The following RARG variants were observed in gnomAD, a reference collection of about 807,000 sequenced individuals.
The protein encoded by RARG is retinoic acid receptor gamma, also known as RAR-gamma.
In RARG, 17 loss-of-function variants were observed where a neutral mutation model predicts 43.7. The ratio of observed to expected loss-of-function variants is 0.39; its 90% CI spans 0.27 to 0.58. The LOEUF (loss-of-function observed/expected upper bound fraction) is 0.58, where lower values mean the gene tolerates loss of function less well. Among genes scored for constraint, RARG ranks in the 20% least tolerant of loss-of-function variants. RARG has a pLI of 0.57. For missense variants in RARG, 346 were observed against 598.7 expected (o/e 0.58, Z 4.40); for synonymous variants, 238 against 236.4 (o/e 1.01, Z -0.06).
chr12:53,228,518 C>T (rs1943161405), intron 2 of RARG, among the ~76,000 whole-genome samples: 1 of 152,122 alleles, frequency 6.6e-6, no homozygotes, highest in African/African-American at 2.4e-5. Context: ...TCAACACTCC[C>T]TCTTCCAGTT....
intron 3 of RARG, among the ~76,000 whole-genome samples, chr12:53,221,467 G>A (rs1157873566): frequency 1.3e-5 from 2 of 152,168 alleles, no homozygotes; most frequent in African/African-American, 4.8e-5. Context: ...GGGCGCTTCT[G>A]GTCACTGACT....
rs1942727509 is a variant in RARG, at chr12:53,215,202, G to A, written c.475+91C>T. Reference sequence around the variant, plus strand: ...CCCCAGGGCAGGCCAAGTCTCAGAGGTCAGGGAAGTGGGAGTGGCCAGAGG... The same window carrying A: ...CCCCAGGGCAGGCCAAGTCTCAGAGATCAGGGAAGTGGGAGTGGCCAGAGG... On this transcript the variant is annotated intron_variant, in intron 5 of 9. Coordinates refer to ENST00000425354, the MANE Select transcript of RARG (RefSeq NM_000966.6). The surrounding 1 kb of genome is among the most constrained non-coding windows in gnomAD (Gnocchi z 6.4). 7.2e-6 allele frequency: 11 copies of A among 1,520,940 alleles called. No individual in the cohort carries two copies. Among genetic ancestry groups the A allele is most frequent in the South Asian group, 1.2e-5 (1 of 80,390 alleles). The allele number at this position is 1,520,940 out of a possible 1,614,324, so 94.2% of individuals were successfully genotyped here.
intron 5 of RARG, 57 bp from the exon 6 acceptor site, chr12:53,214,663 T>A: frequency 1.3e-6 from 2 of 1,499,340 alleles, no homozygotes; most frequent in Non-Finnish European, 1.8e-6. Flanking sequence ...CCTTTGGGTG[T>A]CCTCTCTCAC....
intron 3 of RARG, among the ~76,000 whole-genome samples, chr12:53,226,397 A>C (rs563911648): frequency 2.0e-5 from 3 of 151,956 alleles, no homozygotes; most frequent in Non-Finnish European, 4.4e-5. Context: ...GCACGATCTC[A>C]GCTCACCGCA....
Position 53,211,694 on chromosome 12 carries a change from GC to G in RARG, c.1346del (p.Gly449AlafsTer2). 2.0e-6 allele frequency: 3 copies of G among 1,537,334 alleles called. No homozygotes were observed. The highest frequency in any genetic ancestry group is 2.1e-5 in the Admixed American group (1 of 47,854). On this transcript the variant is annotated frameshift_variant, in exon 10 of 10. Transcript: ENST00000425354. LOFTEE classifies it high-confidence loss of function. This position sits in a 1 kb window ranked among gnomAD's most constrained non-coding sequence, Gnocchi z 4.6. ...DEVPGGQGKG[G>X]LKSPA ...GCCCTGGTCAGGCTGGGGACTTCAG[GC>G]CCCCTTTGCCCTGGCCCCCAGGAAC...
intron 2 of RARG, among the ~76,000 whole-genome samples, chr12:53,229,041 A>G (rs1414770230): frequency 6.6e-6 from 1 of 152,102 alleles, no homozygotes; most frequent in African/African-American, 2.4e-5. Context: ...AGTGCTAAGT[A>G]GGTGGTTCCT....
chr12:53,226,248 C>T (rs1056987860), intron 3 of RARG, among the ~76,000 whole-genome samples: 1 of 152,172 alleles, frequency 6.6e-6, no homozygotes, highest in African/African-American at 2.4e-5. Context: ...CTCCCTCAGC[C>T]TCCTGAGTAG....
intron 3 of RARG, among the ~76,000 whole-genome samples, chr12:53,216,841 TGCGCGCGC>T (rs61199415): frequency 4.5e-4 from 58 of 129,436 alleles, no homozygotes; most frequent in Middle Eastern, 8.8e-3. Flanking sequence ...TGTGTGTGTG[TGCGCGCGC>T]GCGCGCGCGC....
intron 3 of RARG, among the ~76,000 whole-genome samples, chr12:53,218,845 T>G (rs1358243778): frequency 6.7e-5 from 1 of 14,884 alleles, no homozygotes; most frequent in Non-Finnish European, 1.3e-4. Flanking sequence ...CCCAAGCCCC[T>G]CATCCCCGGG....
At chr12:53,221,729 C>T (rs11170485) in intron 3 of RARG, among the ~76,000 whole-genome samples, 10 of 151,130 alleles carry the variant, frequency 6.6e-5, no homozygotes, top group Non-Finnish European at 1.0e-4. Context: ...CCCGGAAATC[C>T]CCCCCTCCCC....
rs1942591061 is a variant in RARG, at chr12:53,211,658, G to A, written c.*18C>T. 1 of 1,448,806 alleles carries A rather than the reference G, an allele frequency of 6.9e-7. No homozygotes were observed. Among genetic ancestry groups the A allele is most frequent in the African/African-American group, 1.5e-5 (1 of 67,946 alleles). 89.7% of individuals were successfully genotyped at this position (1,448,806 alleles called of 1,614,324 possible). The stretch of plus-strand genomic sequence containing the variant: ...CCTGAAGCCCCAACCCCCACAGCGG[G>A]GAGGTCAGGGGCCCTGGTCAGGCTG... On this transcript the variant is annotated 3_prime_UTR_variant, in exon 10 of 10. Coordinates refer to ENST00000425354, the MANE Select transcript of RARG (RefSeq NM_000966.6). This position sits in a 1 kb window ranked among gnomAD's most constrained non-coding sequence, Gnocchi z 4.6.
chr12:53,219,381 C>G (rs1942881671), intron 3 of RARG, among the ~76,000 whole-genome samples: 1 of 152,226 alleles, frequency 6.6e-6, no homozygotes, highest in Non-Finnish European at 1.5e-5. Flanking sequence ...GAACACAGCA[C>G]TTTCCAAAAC....
chr12:53,223,516 T>TCCCCCCCCCCCCCCCCCCCCCCCC (rs1220583899), intron 3 of RARG, among the ~76,000 whole-genome samples: 1 of 120,612 alleles, frequency 8.3e-6, no homozygotes, highest in Admixed American at 8.6e-5. Flanking sequence ...CTTGCCCGGC[T>TCCCCCCCCCCCCCCCCCCCCCCCC]CCCCCCGCCC....
chr12:53,224,237 ACC>A (rs955156013), intron 3 of RARG, among the ~76,000 whole-genome samples: 1 of 151,132 alleles, frequency 6.6e-6, no homozygotes, highest in African/African-American at 2.4e-5. Context: ...TGCCTGTCTC[ACC>A]CCCCTTCAGA....
chr12:53,217,544 G>A (rs765457229), intron 3 of RARG, among the ~76,000 whole-genome samples: 13 of 152,198 alleles, frequency 8.5e-5, no homozygotes, highest in South Asian at 2.1e-4. Flanking sequence ...AGGCCCGGGG[G>A]CAACTTTTCC....
In RARG at chr12:53,213,286, T is replaced by C. The variant is rs1387249552; in HGVS notation, c.1019-43A>G. The C allele has an allele frequency of 1.3e-6, 2 of 1,519,652 alleles. No homozygotes were observed. The highest frequency in any genetic ancestry group is 1.1e-5 in the South Asian group (1 of 87,042). 94.1% of individuals were successfully genotyped at this position (1,519,652 alleles called of 1,614,324 possible). A position where few individuals can be genotyped will look rare whatever the true frequency, so the allele number is the denominator to read the frequency against. On this transcript the variant is annotated intron_variant, in intron 8 of 9. Transcript: ENST00000425354. The surrounding 1 kb of genome is among the most constrained non-coding windows in gnomAD (Gnocchi z 4.7). Reference sequence around the variant, plus strand: ...CTGGAGTGAGAGGGGAAGGAAGAGATGGGGAAGACACAGTGACAGATGGCT... The same window carrying C: ...CTGGAGTGAGAGGGGAAGGAAGAGACGGGGAAGACACAGTGACAGATGGCT...
chr12:53,224,305 C>T (rs1943057719), intron 3 of RARG, among the ~76,000 whole-genome samples: 1 of 151,892 alleles, frequency 6.6e-6, no homozygotes, highest in African/African-American at 2.4e-5. Context: ...AAGGATGTCC[C>T]CAAGGTGCCA....
chr12:53,217,901 A>G (rs1305896738), intron 3 of RARG, among the ~76,000 whole-genome samples: 1 of 152,172 alleles, frequency 6.6e-6, no homozygotes, highest in Non-Finnish European at 1.5e-5. Context: ...AGCAGCCTGG[A>G]CTCACAATCT....
chr12:53,221,955 T>C (rs992289459), intron 3 of RARG, among the ~76,000 whole-genome samples: 15 of 148,868 alleles, frequency 1.0e-4, no homozygotes, highest in African/African-American at 3.7e-4. Flanking sequence ...GTGGGGCGCC[T>C]GTTGGAAGAA....
Sources: allele counts gnomAD v4.1 joint callset (sites outside exome capture counted in the v4.1 genomes callset), GRCh38; gene constraint gnomAD v4.1.1; non-coding constraint Gnocchi (gnomAD v3.1); transcripts MANE v1.5; gene names NCBI Gene and HGNC (gene_info 2026-07-23, HGNC 2026-07-21).